The following HS3ST4 variants were observed in gnomAD, a reference collection of about 807,000 sequenced individuals.
HS3ST4 encodes heparan sulfate glucosamine 3-O-sulfotransferase 4.
HS3ST4 carries 17 observed loss-of-function variants against 29.2 expected under a neutral mutation model. The observed-to-expected ratio is 0.58, with a 90% CI of 0.40 to 0.87. The LOEUF is 0.87. Ranked by LOEUF, HS3ST4 falls within the 40% of genes least tolerant of loss-of-function variation. HS3ST4 has a pLI of 0.00. For missense variants in HS3ST4, 627 were observed against 634.5 expected (o/e 0.99, Z 0.13); for synonymous variants, 314 against 285.7 (o/e 1.10, Z -1.00).
intron 1 of HS3ST4, among the ~76,000 whole-genome samples, chr16:26,112,125 A>G (rs1029244433): frequency 1.3e-5 from 2 of 152,090 alleles, no homozygotes; most frequent in Non-Finnish European, 2.9e-5. Context: ...GGAGTGCACT[A>G]GCTTATTGGG....
At chr16:26,122,203 A>G (rs1165103677) in intron 1 of HS3ST4, among the ~76,000 whole-genome samples, 3 of 151,492 alleles carry the variant, frequency 2.0e-5, no homozygotes, top group Non-Finnish European at 4.4e-5. Flanking sequence ...AAAATCACAT[A>G]TCAACACACA....
intron 1 of HS3ST4, among the ~76,000 whole-genome samples, chr16:25,864,810 A>G (rs1000668187): frequency 2.0e-5 from 3 of 151,618 alleles, no homozygotes; most frequent in African/African-American, 7.3e-5. Flanking sequence ...TACATATTCC[A>G]TTGTATATAT....
At chr16:25,916,215 T>G (rs1397826637) in intron 1 of HS3ST4, among the ~76,000 whole-genome samples, 1 of 152,198 alleles carries the variant, frequency 6.6e-6, no homozygotes, top group Non-Finnish European at 1.5e-5. Context: ...TCTGTCTGGC[T>G]CCAGAGCTCA....
At chr16:26,053,275 A>C (rs1049447078) in intron 1 of HS3ST4, among the ~76,000 whole-genome samples, 1 of 152,244 alleles carries the variant, frequency 6.6e-6, no homozygotes, top group African/African-American at 2.4e-5. Flanking sequence ...ATTTACAAGA[A>C]TTAAGTGAGA....
At chr16:26,001,336 A>G (rs559143789) in intron 1 of HS3ST4, among the ~76,000 whole-genome samples, 24 of 152,332 alleles carry the variant, frequency 1.6e-4, no homozygotes, top group African/African-American at 5.5e-4. Context: ...ATGCATGTCT[A>G]TGTGAATATA....
chr16:26,124,014 G>A (rs956739921), intron 1 of HS3ST4, among the ~76,000 whole-genome samples: 5 of 151,880 alleles, frequency 3.3e-5, no homozygotes, highest in African/African-American at 7.2e-5. Context: ...TGCGGCTCCC[G>A]GGTTCAAGCG....
At chr16:25,933,480 AC>A in intron 1 of HS3ST4, 1 of 470,420 alleles carries the variant, frequency 2.1e-6, no homozygotes. Context: ...AGAGTGGAAC[AC>A]AAAATTTTAG....
At chr16:25,706,941 T>C (rs1373445101) in intron 1 of HS3ST4, among the ~76,000 whole-genome samples, 1 of 152,196 alleles carries the variant, frequency 6.6e-6, no homozygotes, top group Non-Finnish European at 1.5e-5. Flanking sequence ...ATTTCAGAAA[T>C]AAATGTTCAT....
At chr16:25,699,111 A>G (rs760319587) in intron 1 of HS3ST4, among the ~76,000 whole-genome samples, 5 of 152,326 alleles carry the variant, frequency 3.3e-5, no homozygotes, top group Admixed American at 1.3e-4. Context: ...CAAACAAAAT[A>G]CATCTGTGGG....
intron 1 of HS3ST4, among the ~76,000 whole-genome samples, chr16:26,119,372 G>T (rs1432423646): frequency 6.6e-6 from 1 of 152,234 alleles, no homozygotes; most frequent in African/African-American, 2.4e-5. Flanking sequence ...ATGGGAAGAA[G>T]AAGTTAAATT....
rs553953478 is a variant in HS3ST4, at chr16:25,903,795, A to G, written c.734+210644A>G. On this transcript the variant is annotated intron_variant, in intron 1 of 1. Transcript: ENST00000331351. The stretch of plus-strand genomic sequence containing the variant: ...CATACTCCCCTCCCACATTCTCTAA[A>G]CAATACGCACTTTTTTGCCTGAATA... Among the ~76,000 whole-genome samples the G allele has an allele frequency of 4.7e-4, 71 of 152,180 alleles. 1 individual carries two copies. The South Asian group carries it at 0.011, about 24-fold the overall frequency.
chr16:25,805,662 G>T (rs999046259), intron 1 of HS3ST4, among the ~76,000 whole-genome samples: 8 of 151,898 alleles, frequency 5.3e-5, no homozygotes, highest in Non-Finnish European at 1.0e-4. Flanking sequence ...ATCCTTATGG[G>T]ATTCTGTTCA....
chr16:25,836,213 T>G (rs1967354928), intron 1 of HS3ST4, among the ~76,000 whole-genome samples: 1 of 152,198 alleles, frequency 6.6e-6, no homozygotes, highest in African/African-American at 2.4e-5. Flanking sequence ...AAATTTCTGC[T>G]GTGCCTTCTG....
At chr16:25,830,705 C>G (rs937368336) in intron 1 of HS3ST4, among the ~76,000 whole-genome samples, 1 of 152,120 alleles carries the variant, frequency 6.6e-6, no homozygotes, top group African/African-American at 2.4e-5. Context: ...TCATTCCCCA[C>G]CTTCAATCCA....
At chr16:25,754,403 C>T (rs1169847798) in intron 1 of HS3ST4, among the ~76,000 whole-genome samples, 1 of 151,644 alleles carries the variant, frequency 6.6e-6, no homozygotes, top group South Asian at 2.1e-4. Context: ...CACCCACCCA[C>T]GTGTCTGTGG....
At chr16:25,941,982 C>G (rs1453611256) in intron 1 of HS3ST4, among the ~76,000 whole-genome samples, 1 of 152,148 alleles carries the variant, frequency 6.6e-6, no homozygotes, top group African/African-American at 2.4e-5. Flanking sequence ...ATGATAGGGG[C>G]TCATTCAATA....
chr16:25,769,985 T>A (rs1051095078), intron 1 of HS3ST4, among the ~76,000 whole-genome samples: 5 of 152,188 alleles, frequency 3.3e-5, no homozygotes, highest in Non-Finnish European at 5.9e-5. Context: ...TTTTTGGGGG[T>A]CACTGAAAGG....
intron 1 of HS3ST4, among the ~76,000 whole-genome samples, chr16:26,064,118 G>A (rs1233309310): frequency 2.0e-5 from 3 of 152,058 alleles, no homozygotes; most frequent in Non-Finnish European, 4.4e-5. Flanking sequence ...TCTGCATGTT[G>A]GGGGCTATGG....
intron 1 of HS3ST4, among the ~76,000 whole-genome samples, chr16:25,932,522 T>C (rs1596618295): frequency 6.6e-6 from 1 of 152,198 alleles, no homozygotes; most frequent in South Asian, 2.1e-4. Flanking sequence ...GACCTTCACA[T>C]TCTGGATCTC....
Sources: allele counts gnomAD v4.1 joint callset (sites outside exome capture counted in the v4.1 genomes callset), GRCh38; gene constraint gnomAD v4.1.1; transcripts MANE v1.5; gene names NCBI Gene and HGNC (gene_info 2026-07-23, HGNC 2026-07-21).